The following LAMA1 variants were observed in gnomAD, a reference collection of about 807,000 sequenced individuals.
LAMA1 encodes laminin subunit alpha 1, also known as laminin subunit alpha-1.
In LAMA1, 219 loss-of-function variants were observed where a neutral mutation model predicts 348.7. The observed-to-expected ratio is 0.63, with a 90% CI of 0.56 to 0.70. The LOEUF is 0.70. LAMA1 is among the 30% of genes least tolerant of loss of function. The pLI, the probability that LAMA1 is intolerant of heterozygous loss-of-function variation, is 0.00. For synonymous variants in LAMA1, 1,487 were observed against 1,491.0 expected (o/e 1.00, Z 0.06); for missense variants, 3,744 against 3,888.0 (o/e 0.96, Z 0.99).
rs2057631638 is a variant in LAMA1, at chr18:6,966,078, C to T, written c.7050+69G>A. 3.3e-5 allele frequency: 51 copies of T among 1,554,080 alleles called. 1 individual carries two copies. The South Asian group carries it at 5.4e-4, about 16-fold the overall frequency. The stretch of plus-strand genomic sequence containing the variant: ...ATTTAATTAGTAAATCCTCATTAAA[C>T]ATAAACAACCACATAGCAATCTAAA... On this transcript the variant is annotated intron_variant, in intron 49 of 62. Transcript: ENST00000389658.
At chr18:7,024,549 C>G (rs142624066) in intron 17 of LAMA1, 83 bp from the exon 18 acceptor site, 1 of 1,122,854 alleles carries the variant, frequency 8.9e-7, no homozygotes, top group African/African-American at 1.5e-5. Context: ...ATTTCTACTA[C>G]TCCTGTGCTT....
rs1252898064 is a variant in LAMA1, at chr18:6,971,877, C to G, written c.6879G>C (p.Lys2293Asn). ...CTTACCTTCCGAAGCACCCACGGCA[C>G]TTGCCTTCCCTTTCAATATAGTTCC... Reference protein sequence around the residue: ...GLWNYIEREGKCRGCFGSSQN... With the variant: ...GLWNYIEREGNCRGCFGSSQN... The change falls in exon 48 of 63, where the codon AAG becomes AAC. Residue 2293 changes from lysine to asparagine, a missense_variant. By Grantham distance (94) the Lys-to-Asn change is moderately conservative. Around this residue, in one of 3 missense-constraint regions of LAMA1, gnomAD observed 1,983 missense variants for 1,934.3 expected, o/e 1.03. Coordinates refer to ENST00000389658, the MANE Select transcript of LAMA1 (RefSeq NM_005559.4). 6.2e-7 allele frequency: 1 copy of G among 1,614,164 alleles called. No individual in the cohort carries two copies. The highest frequency in any genetic ancestry group is 8.5e-7 in the Non-Finnish European group (1 of 1,180,034).
intron 42 of LAMA1, among the ~76,000 whole-genome samples, chr18:6,979,715 C>T (rs11876132): frequency 0.82 from 124,107 of 151,590 alleles, 50,929 homozygotes; most frequent in East Asian, 0.88. Context: ...CTGGCTAACA[C>T]GGTGAAACCC....
At chr18:7,034,393 ACGTTG>A in intron 14 of LAMA1, 81 bp downstream of exon 14, 1 of 961,184 alleles carries the variant, frequency 1.0e-6, no homozygotes. Context: ...AATGTAAAAT[ACGTTG>A]AGCTTTAAAT....
At chr18:6,966,946 A>G (rs925543126) in intron 48 of LAMA1, among the ~76,000 whole-genome samples, 2 of 152,168 alleles carry the variant, frequency 1.3e-5, no homozygotes, top group Non-Finnish European at 2.9e-5. Context: ...TCACTATTCA[A>G]TCGCAAAGCC....
chr18:7,073,822 TTGTG>T (rs112415914), intron 3 of LAMA1, among the ~76,000 whole-genome samples: 6 of 139,792 alleles, frequency 4.3e-5, no homozygotes, highest in Non-Finnish European at 9.3e-5. Flanking sequence ...ACCATACTGG[TTGTG>T]TGTGTGTGTG....
chr18:7,038,873 G>A lies in LAMA1; in HGVS notation c.1500C>T (p.Cys500=). 1.2e-6 allele frequency: 2 copies of A among 1,614,226 alleles called. No individual in the cohort carries two copies. Among genetic ancestry groups the A allele is most frequent in the Non-Finnish European group, 1.7e-6 (2 of 1,180,032 alleles). Reference sequence around the variant, plus strand: ...AAACGCCAAAGCAGAAGCACTCGGAGCAGCCCCGGGGGTTTTTTTCCTTCA... The same window carrying A: ...AAACGCCAAAGCAGAAGCACTCGGAACAGCCCCGGGGGTTTTTTTCCTTCA... ...YNLKEKNPRG[C]SECFCFGVSD... Residue 500 remains cysteine (C), a synonymous_variant, in exon 11 of 63, where the codon TGC becomes TGT. Transcript: ENST00000389658.
Position 7,042,246 on chromosome 18 carries a change from G to C in LAMA1, c.1160C>G (p.Ser387Cys). 7 of 1,601,572 alleles carry C rather than the reference G, an allele frequency of 4.4e-6. No individual in the cohort carries two copies. The highest frequency in any genetic ancestry group is 6.0e-6 in the Non-Finnish European group (7 of 1,170,542). The change falls in exon 9 of 63, where the codon TCT (serine) becomes TGT (cysteine). Residue 387 changes from serine (S) to cysteine (C), a missense_variant. By Grantham distance (112) the Ser-to-Cys change is moderately radical (BLOSUM62 -1). This residue lies in a region of LAMA1 where 1,529 missense variants were observed against 1,689.4 expected (regional missense o/e 0.91). Coordinates refer to ENST00000389658, the MANE Select transcript of LAMA1 (RefSeq NM_005559.4). ...GCGGCAAGGCTCATCCTCATAAGGAGACACCTGAAAGGCAGAGGTTGCCCT... is the reference window on the plus strand; with the variant it reads ...GCGGCAAGGCTCATCCTCATAAGGACACACCTGAAAGGCAGAGGTTGCCCT... ...IDGYYRPHKVSPYEDEPCRPC... is the reference protein window; with the variant it reads ...IDGYYRPHKVCPYEDEPCRPC...
At chr18:7,037,872 T>A in intron 11 of LAMA1, 121 bp from the exon 12 acceptor site, 1 of 918,200 alleles carries the variant, frequency 1.1e-6, no homozygotes. Context: ...AGGGATGGCA[T>A]TAACATAACA....
At chr18:7,081,939 C>T (rs1358211636) in intron 1 of LAMA1, among the ~76,000 whole-genome samples, 5 of 152,180 alleles carry the variant, frequency 3.3e-5, no homozygotes. Context: ...TTTAGTAACA[C>T]AGAAGGAATT....
At chr18:6,953,166 G>A (rs866693254) in intron 57 of LAMA1, among the ~76,000 whole-genome samples, 11 of 145,352 alleles carry the variant, frequency 7.6e-5, no homozygotes, top group African/African-American at 3.1e-4. Flanking sequence ...ATGTCTGCCT[G>A]TGTCCAGCGG....
chr18:6,980,780 T>G, intron 41 of LAMA1, 143 bp from the exon 42 acceptor site: 1 of 633,376 alleles, frequency 1.6e-6, no homozygotes, highest in South Asian at 1.8e-5. Flanking sequence ...CCAGCAAGAC[T>G]GAGCACCACT....
At chr18:7,027,192 T>TA (rs2057947784) in intron 16 of LAMA1, among the ~76,000 whole-genome samples, 1 of 152,050 alleles carries the variant, frequency 6.6e-6, no homozygotes, top group Non-Finnish European at 1.5e-5. Context: ...GGTGGTAGGT[T>TA]AGAAAAAGTA....
chr18:7,088,921 C>T lies in LAMA1; in HGVS notation c.62-8464G>A, dbSNP rs76014663. Reference sequence around the variant, plus strand: ...TCTGGGGAGACTGAGGCAAGAGGATCGCTTGAGCCTAGGAGCTCGAGGTTG... The same window carrying T: ...TCTGGGGAGACTGAGGCAAGAGGATTGCTTGAGCCTAGGAGCTCGAGGTTG... On this transcript the variant is annotated intron_variant, in intron 1 of 62. Coordinates refer to ENST00000389658, the MANE Select transcript of LAMA1 (RefSeq NM_005559.4). 8.5e-3 allele frequency among the ~76,000 whole-genome samples: 1,294 copies of T among 152,134 alleles called. 18 individuals carry two copies. Among genetic ancestry groups the T allele is most frequent in the African/African-American group, 0.029 (1,223 of 41,498 alleles).
At chr18:7,031,808 T>C (rs986694236) in intron 16 of LAMA1, among the ~76,000 whole-genome samples, 4 of 151,406 alleles carry the variant, frequency 2.6e-5, no homozygotes, top group Non-Finnish European at 5.9e-5. Flanking sequence ...AATTACTTTA[T>C]ATTAATCTAA....
At chr18:7,095,485 C>T (rs188563889) in intron 1 of LAMA1, among the ~76,000 whole-genome samples, 8 of 152,304 alleles carry the variant, frequency 5.3e-5, no homozygotes, top group Admixed American at 3.9e-4. Context: ...CCTTCTCCTC[C>T]AGGAGCCCTC....
chr18:7,048,135 C>T (rs940818607), intron 5 of LAMA1, among the ~76,000 whole-genome samples: 6 of 152,038 alleles, frequency 3.9e-5, no homozygotes, highest in East Asian at 1.9e-4. Flanking sequence ...ATGAAGGATT[C>T]GTATACAAAA....
At chr18:7,022,210 GGGAAATACC>G (rs1313192570) in intron 19 of LAMA1, among the ~76,000 whole-genome samples, 1 of 152,062 alleles carries the variant, frequency 6.6e-6, no homozygotes, top group African/African-American at 2.4e-5. Flanking sequence ...TACAGTGTCT[GGGAAATACC>G]GGACACTTAA....
At chr18:7,099,151 T>C (rs974736709) in intron 1 of LAMA1, among the ~76,000 whole-genome samples, 2,675 of 151,730 alleles carry the variant, frequency 0.018, 71 homozygotes, top group African/African-American at 0.06. Context: ...TGGGATCCTG[T>C]TGATCTGTGA....
Sources: gnomAD v4.1 joint callset for allele counts (sites outside exome capture counted in the v4.1 genomes callset) on GRCh38, gnomAD v4.1.1 for gene constraint, gnomAD v4.1.1 regional missense constraint, MANE v1.5 for transcripts, NCBI Gene and HGNC (gene_info 2026-07-23, HGNC 2026-07-21) for gene names.